The following HDAC1 variants were observed in gnomAD, a reference collection of about 807,000 sequenced individuals.
HDAC1 encodes protein deacetylase HDAC1.
Under a neutral mutation model 65.5 loss-of-function variants are expected in HDAC1, and 18 were observed. The observed-to-expected ratio is 0.27, with a 90% CI of 0.19 to 0.41. The LOEUF is 0.41. HDAC1 is among the 10% of genes least tolerant of loss of function. The pLI, the probability that HDAC1 is intolerant of heterozygous loss-of-function variation, is 1.00. For missense variants in HDAC1, 373 were observed against 625.2 expected (o/e 0.60, Z 4.30); for synonymous variants, 211 against 227.9 (o/e 0.93, Z 0.67).
chr1:32,329,555 AT>A lies in HDAC1; in HGVS notation c.729+397del, dbSNP rs1380973482. 7.1e-6 allele frequency: 2 copies of A among 280,356 alleles called. No homozygotes were observed. Among genetic ancestry groups the A allele is most frequent in the East Asian group, 1.6e-4 (2 of 12,338 alleles). 17.4% of individuals were successfully genotyped at this position (280,356 alleles called of 1,614,324 possible). On this transcript the variant is annotated intron_variant, in intron 7 of 13. Coordinates refer to ENST00000373548, the MANE Select transcript of HDAC1 (RefSeq NM_004964.3). The surrounding 1 kb of genome is among the most constrained non-coding windows in gnomAD (Gnocchi z 4.1). ...TTTTTTGTGTTCCTCATTGCCTTAC[AT>A]TGATGTCTGCACATTAGAAGAAGTA...
chr1:32,293,285 C>G (rs1640723149), intron 1 of HDAC1, among the ~76,000 whole-genome samples: 1 of 149,038 alleles, frequency 6.7e-6, no homozygotes, highest in Non-Finnish European at 1.5e-5. Context: ...CGTGCCACTG[C>G]ACTCCAGCTT....
intron 1 of HDAC1, among the ~76,000 whole-genome samples, chr1:32,301,704 AG>A (rs1640851130): frequency 6.6e-6 from 1 of 152,284 alleles, no homozygotes; most frequent in East Asian, 1.9e-4. Context: ...CAGGAGGCGA[AG>A]GTTGCAGTGA....
intron 2 of HDAC1, among the ~76,000 whole-genome samples, chr1:32,310,105 T>G (rs1570014926): frequency 6.6e-6 from 1 of 152,222 alleles, no homozygotes; most frequent in Non-Finnish European, 1.5e-5. Flanking sequence ...AGAAAGGATC[T>G]GGCAGTTGGG....
intron 2 of HDAC1, among the ~76,000 whole-genome samples, chr1:32,309,785 T>A (rs1640965505): frequency 6.6e-6 from 1 of 151,916 alleles, no homozygotes; most frequent in African/African-American, 2.4e-5. Flanking sequence ...CAAACTCCTG[T>A]CTGTGCTCAA....
chr1:32,324,956 AC>A (rs1374625300), intron 4 of HDAC1, among the ~76,000 whole-genome samples: 3 of 151,650 alleles, frequency 2.0e-5, no homozygotes, highest in African/African-American at 7.3e-5. Context: ...ACAAAGCAAG[AC>A]CCTGCCTCCA....
chr1:32,303,636 C>T (rs918128978), intron 2 of HDAC1, among the ~76,000 whole-genome samples: 1 of 152,032 alleles, frequency 6.6e-6, no homozygotes, highest in African/African-American at 2.4e-5. Context: ...AGCTGGAAAT[C>T]CAGATTATTA....
intron 2 of HDAC1, among the ~76,000 whole-genome samples, chr1:32,315,704 T>C (rs547660206): frequency 4.3e-4 from 65 of 150,012 alleles, no homozygotes; most frequent in African/African-American, 1.5e-3. Context: ...CAGTGGCTCA[T>C]GCCTGTAATC....
intron 1 of HDAC1, among the ~76,000 whole-genome samples, chr1:32,295,357 C>T (rs1372025358): frequency 2.6e-5 from 4 of 151,576 alleles, no homozygotes; most frequent in Admixed American, 6.6e-5. Context: ...GCCATGATCG[C>T]ACCAGTGCAC....
At chr1:32,318,853 T>G (rs1021262270) in intron 3 of HDAC1, among the ~76,000 whole-genome samples, 32 of 152,256 alleles carry the variant, frequency 2.1e-4, no homozygotes, top group African/African-American at 7.2e-4. Context: ...GTGTGGTGGC[T>G]TACGCCTGTA....
chr1:32,309,265 T>C (rs1640955979), intron 2 of HDAC1, among the ~76,000 whole-genome samples: 1 of 152,132 alleles, frequency 6.6e-6, no homozygotes, highest in African/African-American at 2.4e-5. Flanking sequence ...GTGAGTGTAA[T>C]GATAAGGGAA....
At chr1:32,305,426 A>G (rs1640898050) in intron 2 of HDAC1, among the ~76,000 whole-genome samples, 1 of 152,184 alleles carries the variant, frequency 6.6e-6, no homozygotes, top group South Asian at 2.1e-4. Flanking sequence ...ATGGTTTCCA[A>G]TTGCCAGCTA....
At chr1:32,295,151 C>T (rs114277101) in intron 1 of HDAC1, among the ~76,000 whole-genome samples, 10 of 152,268 alleles carry the variant, frequency 6.6e-5, no homozygotes, top group African/African-American at 1.4e-4. Flanking sequence ...TGGTGGCTCA[C>T]GCCTATAATC....
At chr1:32,303,201 A>G (rs1431212312) in intron 2 of HDAC1, among the ~76,000 whole-genome samples, 1 of 152,124 alleles carries the variant, frequency 6.6e-6, no homozygotes, top group Non-Finnish European at 1.5e-5. Flanking sequence ...GCGGTGGCTC[A>G]TGCCTGTCAT....
chr1:32,309,783 T>G (rs1640965472), intron 2 of HDAC1, among the ~76,000 whole-genome samples: 1 of 151,864 alleles, frequency 6.6e-6, no homozygotes, highest in African/African-American at 2.4e-5. Context: ...CTCAAACTCC[T>G]GTCTGTGCTC....
Position 32,329,305 on chromosome 1 carries a change from G to A in HDAC1, c.729+145G>A, listed in dbSNP as rs2148071561. On this transcript the variant is annotated intron_variant, in intron 7 of 13. Coordinates refer to ENST00000373548, the MANE Select transcript of HDAC1 (RefSeq NM_004964.3). This position sits in a 1 kb window ranked among gnomAD's most constrained non-coding sequence, Gnocchi z 4.1. The stretch of plus-strand genomic sequence containing the variant: ...AAGTGTTTGAACCCTGGATTGCTGT[G>A]TGGTCAGTTAGGGGAACAAACACCC... The A allele has an allele frequency of 1.5e-6, 1 of 672,320 alleles. No homozygotes were observed. The highest frequency in any genetic ancestry group is 3.4e-4 in the Middle Eastern group (1 of 2,906). 41.6% of individuals were successfully genotyped at this position (672,320 alleles called of 1,614,324 possible). A position where few individuals can be genotyped will look rare whatever the true frequency, so the allele number is the denominator to read the frequency against.
chr1:32,324,708 A>G (rs936427409), intron 4 of HDAC1, among the ~76,000 whole-genome samples, 155 bp downstream of exon 4: 4 of 152,062 alleles, frequency 2.6e-5, no homozygotes, highest in Non-Finnish European at 2.9e-5. Context: ...AGTGTCTCAC[A>G]CCTGTAATCC....
intron 2 of HDAC1, among the ~76,000 whole-genome samples, chr1:32,316,283 C>CAAAAAAAAAAAAAAAAAAAAAA (rs879826419): frequency 6.5e-5 from 9 of 139,398 alleles, no homozygotes; most frequent in African/African-American, 2.6e-4. Flanking sequence ...GACTCCGTCT[C>CAAAAAAAAAAAAAAAAAAAAAA]AAAAAAAAAA....
chr1:32,328,619 T>C (rs554038260), intron 6 of HDAC1, among the ~76,000 whole-genome samples: 1 of 152,204 alleles, frequency 6.6e-6, no homozygotes, highest in Admixed American at 6.5e-5. Flanking sequence ...TATTTTGAGG[T>C]TACTGGGAAG....
intron 3 of HDAC1, among the ~76,000 whole-genome samples, chr1:32,322,987 A>T (rs1260592641): frequency 6.6e-6 from 1 of 152,150 alleles, no homozygotes; most frequent in Non-Finnish European, 1.5e-5. Context: ...AAGGGCCGGG[A>T]TATATTTTCA....
Sources: gnomAD v4.1 joint callset for allele counts (sites outside exome capture counted in the v4.1 genomes callset) on GRCh38, gnomAD v4.1.1 for gene constraint, Gnocchi (gnomAD v3.1) non-coding constraint, MANE v1.5 for transcripts, NCBI Gene and HGNC (gene_info 2026-07-23, HGNC 2026-07-21) for gene names.